FSTL5: variants seen among roughly 807,000 people sequenced by gnomAD.
FSTL5 encodes follistatin-related protein 5.
FSTL5 carries 62 observed loss-of-function variants against 89.1 expected under a neutral mutation model. The observed-to-expected ratio is 0.70, with a 90% CI of 0.57 to 0.86. The LOEUF is 0.86. FSTL5 is among the 40% of genes least tolerant of loss of function. FSTL5 has a pLI of 0.00. For synonymous variants in FSTL5, 383 were observed against 346.2 expected (o/e 1.11, Z -1.18); for missense variants, 1,057 against 1,001.6 (o/e 1.06, Z -0.75).
chr4:162,071,882 A>T (rs541732246), intron 2 of FSTL5, among the ~76,000 whole-genome samples: 55 of 151,974 alleles, frequency 3.6e-4, no homozygotes, highest in Non-Finnish European at 6.9e-4. Flanking sequence ...AAAATTAAAC[A>T]ACATGCTCCT....
intron 11 of FSTL5, among the ~76,000 whole-genome samples, chr4:161,502,731 G>A (rs555347804): frequency 1.4e-4 from 21 of 151,778 alleles, no homozygotes; most frequent in African/African-American, 5.1e-4. Flanking sequence ...TTTTGCAGCA[G>A]AATTTATGAT....
At chr4:161,545,672 T>C (rs1731979813) in intron 8 of FSTL5, among the ~76,000 whole-genome samples, 2 of 151,966 alleles carry the variant, frequency 1.3e-5, no homozygotes, top group Admixed American at 1.3e-4. Flanking sequence ...ATAGTAACTC[T>C]TTCTCTGTAC....
intron 6 of FSTL5, among the ~76,000 whole-genome samples, chr4:161,757,806 A>G (rs1740630973): frequency 6.6e-6 from 1 of 151,892 alleles, no homozygotes; most frequent in African/African-American, 2.4e-5. Flanking sequence ...TTTAGTAGAG[A>G]TGGGGTTTCT....
At chr4:161,909,387 G>A (rs184078760) in intron 4 of FSTL5, among the ~76,000 whole-genome samples, 1 of 152,038 alleles carries the variant, frequency 6.6e-6, no homozygotes, top group Non-Finnish European at 1.5e-5. Flanking sequence ...CAATTACTCA[G>A]TGCATTAATC....
chr4:161,636,090 C>T (rs1196401895), intron 7 of FSTL5, among the ~76,000 whole-genome samples: 2 of 129,364 alleles, frequency 1.5e-5, no homozygotes, highest in Admixed American at 1.6e-4. Context: ...TAATTGACAG[C>T]AAAAAAAAAA....
chr4:161,979,983 A>G (rs1339585295), intron 3 of FSTL5, among the ~76,000 whole-genome samples: 2 of 151,962 alleles, frequency 1.3e-5, no homozygotes, highest in African/African-American at 4.8e-5. Context: ...CTTCTATCTA[A>G]AGACCTAAAA....
chr4:161,650,400 G>T (rs1278568691), intron 7 of FSTL5, among the ~76,000 whole-genome samples: 1 of 152,110 alleles, frequency 6.6e-6, no homozygotes, highest in Non-Finnish European at 1.5e-5. Context: ...AAGTGATTTT[G>T]TAAAAGTGTA....
intron 10 of FSTL5, among the ~76,000 whole-genome samples, chr4:161,535,037 G>A (rs1731548755): frequency 6.6e-6 from 1 of 152,108 alleles, no homozygotes; most frequent in Non-Finnish European, 1.5e-5. Context: ...GAATGAAACT[G>A]TACCGCTACC....
intron 1 of FSTL5, among the ~76,000 whole-genome samples, chr4:162,125,570 G>C (rs527624981): frequency 6.6e-6 from 1 of 152,000 alleles, no homozygotes; most frequent in African/African-American, 2.4e-5. Context: ...AGATACCACA[G>C]CTTTTAACTA....
chr4:161,623,872 A>G (rs1735223688), intron 7 of FSTL5, among the ~76,000 whole-genome samples: 1 of 151,990 alleles, frequency 6.6e-6, no homozygotes, highest in South Asian at 2.1e-4. Flanking sequence ...TACTTGAAAT[A>G]TTTGACATAG....
intron 2 of FSTL5, among the ~76,000 whole-genome samples, chr4:162,082,975 A>G (rs559674983): frequency 6.6e-6 from 1 of 151,688 alleles, no homozygotes; most frequent in Non-Finnish European, 1.5e-5. Context: ...TTTGAATGGT[A>G]AGTTTGAAGC....
In FSTL5 at chr4:161,726,800, G is replaced by T. The variant is rs540882917; in HGVS notation, c.727+32611C>A. ...CATATATATATTTCCTCTGAAAGCA[G>T]ATAACCTCATAATTTTTCAGATTAA... On this transcript the variant is annotated intron_variant, in intron 6 of 15. Transcript: ENST00000306100. Among the ~76,000 whole-genome samples the T allele has an allele frequency of 2.0e-5, 3 of 151,386 alleles. No homozygotes were observed. In the East Asian group the frequency reaches 5.8e-4, roughly 29 times the overall value.
intron 4 of FSTL5, among the ~76,000 whole-genome samples, chr4:161,867,840 G>A (rs1381153812): frequency 6.6e-6 from 1 of 151,608 alleles, no homozygotes; most frequent in African/African-American, 2.4e-5. Context: ...CATCTAAGAT[G>A]GTCATCAATC....
At chr4:162,068,859 C>A (rs1232201539) in intron 2 of FSTL5, among the ~76,000 whole-genome samples, 2 of 151,980 alleles carry the variant, frequency 1.3e-5, no homozygotes, top group Non-Finnish European at 2.9e-5. Context: ...AACAAACAAA[C>A]AACCCCATTA....
chr4:161,433,953 A>G (rs1460424097), intron 15 of FSTL5, among the ~76,000 whole-genome samples: 1 of 152,154 alleles, frequency 6.6e-6, no homozygotes, highest in Non-Finnish European at 1.5e-5. Context: ...GAGAGAATCA[A>G]TAATGTTTAA....
At chr4:162,138,648 TAATAA>T (rs1732607859) in intron 1 of FSTL5, among the ~76,000 whole-genome samples, 1 of 152,010 alleles carries the variant, frequency 6.6e-6, no homozygotes. Context: ...GTTAAAAAAA[TAATAA>T]AATAAAATCT....
At chr4:162,162,456 C>G (rs1487273968) in intron 1 of FSTL5, among the ~76,000 whole-genome samples, 1 of 152,000 alleles carries the variant, frequency 6.6e-6, no homozygotes, top group Non-Finnish European at 1.5e-5. Flanking sequence ...ATCCCCCACC[C>G]CCGTCCTTTT....
At position 161,835,086 on chromosome 4, in the gene FSTL5, T is replaced by C. The variant is rs1253925461; in HGVS notation, c.410-59012A>G. Among the ~76,000 whole-genome samples the C allele has an allele frequency of 1.2e-4, 18 of 147,276 alleles. 1 individual carries two copies. The highest frequency in any genetic ancestry group is 1.3e-4 in the Admixed American group (2 of 14,846). On this transcript the variant is annotated intron_variant, in intron 4 of 15. Coordinates refer to ENST00000306100, the MANE Select transcript of FSTL5 (RefSeq NM_020116.5). ...GGCTACAGTAACCAAAACAGCATGGTACTGGTACCAAAACAGAGATATAGA... is the reference window on the plus strand; with the variant it reads ...GGCTACAGTAACCAAAACAGCATGGCACTGGTACCAAAACAGAGATATAGA...
At position 161,670,054 on chromosome 4, in the gene FSTL5, A is replaced by T. The variant is rs113111261; in HGVS notation, c.728-13560T>A. On this transcript the variant is annotated intron_variant, in intron 6 of 15. Coordinates refer to ENST00000306100, the MANE Select transcript of FSTL5 (RefSeq NM_020116.5). ...CTATGTTTGATTTGAAAAAAAAGAC[A>T]TTATATTCTAAATTTGTGAAATATT... is the stretch of plus-strand genomic sequence containing the variant. Among the ~76,000 whole-genome samples, 550 of 152,334 alleles carry T rather than the reference A, an allele frequency of 3.6e-3. 3 individuals are homozygous for T. Among genetic ancestry groups the T allele is most frequent in the African/African-American group, 0.012 (510 of 41,594 alleles).
Sources: gnomAD v4.1 joint callset for allele counts (sites outside exome capture counted in the v4.1 genomes callset) on GRCh38, gnomAD v4.1.1 for gene constraint, MANE v1.5 for transcripts, NCBI Gene and HGNC (gene_info 2026-07-23, HGNC 2026-07-21) for gene names.